RANBP17: variants seen among roughly 807,000 people sequenced by gnomAD.
The protein encoded by RANBP17 is RAN binding protein 17.
Under a neutral mutation model 141.2 loss-of-function variants are expected in RANBP17, and 158 were observed. The observed-to-expected ratio is 1.12, with a 90% confidence interval of 0.98 to 1.28. The LOEUF (loss-of-function observed/expected upper bound fraction) is 1.28, where lower values mean the gene tolerates loss of function less well. RANBP17 is among the 50% of genes most tolerant of loss of function. The pLI, the probability that RANBP17 is intolerant of heterozygous loss-of-function variation, is 0.00. For missense variants in RANBP17, 1,438 were observed against 1,290.7 expected (o/e 1.11, Z -1.75); for synonymous variants, 430 against 450.0 (o/e 0.96, Z 0.56).
intron 1 of RANBP17, among the ~76,000 whole-genome samples, 196 bp downstream of exon 1, chr5:170,862,247 C>T (rs545030347): frequency 1.3e-5 from 2 of 152,018 alleles, no homozygotes; most frequent in South Asian, 2.1e-4. Context: ...AGGCCCGGGC[C>T]GGAGCCCGAG....
intron 18 of RANBP17, among the ~76,000 whole-genome samples, chr5:171,186,698 G>A (rs536259295): frequency 1.0e-4 from 15 of 149,614 alleles, no homozygotes; most frequent in African/African-American, 2.7e-4. Context: ...CACTACGCCC[G>A]GCTAATTTTT....
intron 25 of RANBP17, chr5:171,284,604 C>T (rs538471075): frequency 4.6e-5 from 7 of 152,238 alleles, no homozygotes; most frequent in African/African-American, 9.6e-5. Flanking sequence ...GGATTACAGA[C>T]GTGAGCCACG....
chr5:171,068,611 G>T (rs1355191436), intron 14 of RANBP17, among the ~76,000 whole-genome samples: 1 of 150,438 alleles, frequency 6.6e-6, no homozygotes, highest in East Asian at 2.0e-4. Flanking sequence ...TGTTGAGACA[G>T]AGTCTCACTC....
intron 14 of RANBP17, among the ~76,000 whole-genome samples, chr5:171,140,275 G>C (rs1203336662): frequency 6.6e-6 from 1 of 152,178 alleles, no homozygotes; most frequent in African/African-American, 2.4e-5. Context: ...CACTAGAACT[G>C]TAACTTCCAT....
intron 14 of RANBP17, among the ~76,000 whole-genome samples, chr5:171,073,558 C>A (rs1784745816): frequency 6.6e-6 from 1 of 152,054 alleles, no homozygotes; most frequent in Non-Finnish European, 1.5e-5. Flanking sequence ...AGCAGAGATT[C>A]ATGTTTATTT....
Position 171,011,471 on chromosome 5 carries a change from T to C in RANBP17, c.1710+43094T>C, listed in dbSNP as rs182135522. 5.5e-4 allele frequency among the ~76,000 whole-genome samples: 84 copies of C among 152,076 alleles called. 2 individuals carry two copies. The East Asian group carries it at 0.011, about 21-fold the overall frequency. ...TTTAACCCATTTTTCATGATAATTA[T>C]GGAAAATTATTTTTTCCAATGACAT... On this transcript the variant is annotated intron_variant, in intron 14 of 27. Transcript: ENST00000523189.
chr5:171,183,452 CAATT>C (rs774575841), intron 18 of RANBP17, 22 bp downstream of exon 18: 48 of 1,500,640 alleles, frequency 3.2e-5, no homozygotes, highest in African/African-American at 4.1e-5. Context: ...AATTTAAACT[CAATT>C]AATAAGGGAT....
chr5:171,069,849 A>G (rs1784530429), intron 14 of RANBP17, among the ~76,000 whole-genome samples: 1 of 152,194 alleles, frequency 6.6e-6, no homozygotes, highest in African/African-American at 2.4e-5. Context: ...AAATACAGTG[A>G]TAGGATGACA....
chr5:171,184,430 G>A (rs1761094298), intron 18 of RANBP17, among the ~76,000 whole-genome samples: 1 of 152,136 alleles, frequency 6.6e-6, no homozygotes, highest in South Asian at 2.1e-4. Context: ...ATCTAAAAAA[G>A]TTGATCTCAT....
chr5:171,156,720 T>C (rs567700205), intron 14 of RANBP17, among the ~76,000 whole-genome samples: 1 of 152,244 alleles, frequency 6.6e-6, no homozygotes, highest in South Asian at 2.1e-4. Flanking sequence ...CGCACTGCAG[T>C]AATAAATAAA....
At chr5:170,987,083 A>G (rs1561960207) in intron 14 of RANBP17, among the ~76,000 whole-genome samples, 1 of 151,890 alleles carries the variant, frequency 6.6e-6, no homozygotes, top group Non-Finnish European at 1.5e-5. Flanking sequence ...TTTCATACAT[A>G]GAATTTTCAC....
chr5:171,004,015 G>T (rs1279048722), intron 14 of RANBP17, among the ~76,000 whole-genome samples: 5 of 152,142 alleles, frequency 3.3e-5, no homozygotes, highest in Admixed American at 3.3e-4. Flanking sequence ...AGAGTTGTCC[G>T]GTTTTTGAAT....
chr5:171,108,894 T>C (rs1469883196), intron 14 of RANBP17, among the ~76,000 whole-genome samples: 1 of 152,200 alleles, frequency 6.6e-6, no homozygotes, highest in Non-Finnish European at 1.5e-5. Context: ...TTGTTGTTGT[T>C]GTTCTGGCAA....
intron 25 of RANBP17, among the ~76,000 whole-genome samples, chr5:171,283,554 G>C (rs1345609859): frequency 1.3e-5 from 2 of 152,128 alleles, no homozygotes; most frequent in East Asian, 1.9e-4. Context: ...AATTCTGCAT[G>C]GTTTAAATAT....
At chr5:171,087,469 G>A (rs1031489772) in intron 14 of RANBP17, among the ~76,000 whole-genome samples, 2 of 151,492 alleles carry the variant, frequency 1.3e-5, no homozygotes, top group African/African-American at 4.9e-5. Flanking sequence ...TAGTGTAGAT[G>A]TCTATTAGGT....
chr5:171,135,985 G>C (rs1261393675), intron 14 of RANBP17, among the ~76,000 whole-genome samples: 1 of 152,186 alleles, frequency 6.6e-6, no homozygotes, highest in Non-Finnish European at 1.5e-5. Context: ...GAAATAATCA[G>C]TCAAAGGCTG....
intron 3 of RANBP17, among the ~76,000 whole-genome samples, chr5:170,889,081 T>C (rs1003309752): frequency 9.2e-5 from 14 of 151,998 alleles, no homozygotes; most frequent in Admixed American, 2.6e-4. Context: ...GTAGTTTCTT[T>C]TTGTTCCATG....
At chr5:171,062,267 C>G (rs1783935218) in intron 14 of RANBP17, among the ~76,000 whole-genome samples, 1 of 152,202 alleles carries the variant, frequency 6.6e-6, no homozygotes, top group African/African-American at 2.4e-5. Flanking sequence ...ATGGTCTTTA[C>G]AATTTGGCAT....
intron 8 of RANBP17, among the ~76,000 whole-genome samples, chr5:170,915,010 A>G (rs1324775536): frequency 6.6e-6 from 1 of 152,100 alleles, no homozygotes; most frequent in African/African-American, 2.4e-5. Flanking sequence ...TGTCCTTTTT[A>G]AAAAAACATG....
Sources: gnomAD v4.1 joint callset for allele counts (sites outside exome capture counted in the v4.1 genomes callset) on GRCh38, gnomAD v4.1.1 for gene constraint, MANE v1.5 for transcripts, NCBI Gene and HGNC (gene_info 2026-07-23, HGNC 2026-07-21) for gene names.